The following RGS6 variants were observed in gnomAD, a reference collection of about 807,000 sequenced individuals.
RGS6 encodes the protein regulator of G-protein signaling 6.
RGS6 carries 30 observed loss-of-function variants against 78.5 expected under a neutral mutation model. That is an observed-to-expected ratio of 0.38 (90% confidence interval 0.29 to 0.52). The LOEUF is 0.52. RGS6 is among the 20% of genes least tolerant of loss of function. The probability of loss-of-function intolerance (pLI) is 0.85; values close to 1 mark genes in which losing one functional copy is unlikely to be tolerated. For missense variants in RGS6, 495 were observed against 609.7 expected, an observed-to-expected ratio of 0.81 and a Z score of 1.98; for synonymous variants, 206 against 206.0, an observed-to-expected ratio of 1.00 and a Z score of 0.00.
chr14:72,154,688 C>T (rs1486657016), intron 2 of RGS6, among the ~76,000 whole-genome samples: 1 of 152,250 alleles, frequency 6.6e-6, no homozygotes, highest in Non-Finnish European at 1.5e-5. Context: ...TCCAAATCGT[C>T]TCTTTCTAAA....
At chr14:72,339,089 A>G (rs1227167095) in intron 2 of RGS6, among the ~76,000 whole-genome samples, 1 of 152,230 alleles carries the variant, frequency 6.6e-6, no homozygotes, top group Non-Finnish European at 1.5e-5. Context: ...CATAAAGAAA[A>G]GAATAAAAAG....
intron 2 of RGS6, among the ~76,000 whole-genome samples, chr14:72,209,232 C>A (rs761868619): frequency 2.6e-5 from 4 of 152,042 alleles, no homozygotes; most frequent in Non-Finnish European, 4.4e-5. Flanking sequence ...CAGAGTGAGA[C>A]CCTATCTCAA....
At chr14:72,199,401 A>C (rs1048691155) in intron 2 of RGS6, among the ~76,000 whole-genome samples, 3 of 152,244 alleles carry the variant, frequency 2.0e-5, no homozygotes, top group East Asian at 3.8e-4. Context: ...TTTTGTGTAC[A>C]TTGATGCAAC....
chr14:71,984,750 T>C (rs1265852225), intron 2 of RGS6, among the ~76,000 whole-genome samples: 1 of 152,182 alleles, frequency 6.6e-6, no homozygotes, highest in African/African-American at 2.4e-5. Context: ...ATGGAGACCT[T>C]GAAGTAAGAA....
intron 3 of RGS6, among the ~76,000 whole-genome samples, chr14:72,436,184 A>G (rs1420422996): frequency 1.3e-5 from 2 of 152,132 alleles, no homozygotes; most frequent in Non-Finnish European, 2.9e-5. Flanking sequence ...AAACATTAAG[A>G]TATAAATTCC....
intron 17 of RGS6, among the ~76,000 whole-genome samples, chr14:72,544,623 G>T (rs1481815665): frequency 6.6e-6 from 1 of 152,218 alleles, no homozygotes; most frequent in African/African-American, 2.4e-5. Flanking sequence ...AGAAGGCTTG[G>T]CATGTGATGG....
chr14:72,051,265 C>T (rs368399562), intron 2 of RGS6, among the ~76,000 whole-genome samples: 1 of 152,044 alleles, frequency 6.6e-6, no homozygotes, highest in East Asian at 1.9e-4. Flanking sequence ...TAGACAAGCA[C>T]AAGCAAAAAG....
chr14:72,567,704 T>C (rs1175899621), downstream of RGS6, among the ~76,000 whole-genome samples: 1 of 152,148 alleles, frequency 6.6e-6, no homozygotes, highest in Non-Finnish European at 1.5e-5. Flanking sequence ...CTCTGATGAG[T>C]GTCTCTGATC....
intron 3 of RGS6, among the ~76,000 whole-genome samples, chr14:72,408,584 ACTC>A (rs1373677621): frequency 6.6e-6 from 1 of 151,766 alleles, no homozygotes; most frequent in African/African-American, 2.4e-5. Context: ...CAAAAGCAAA[ACTC>A]CTTTGCCATG....
chr14:72,518,313 G>A, intron 14 of RGS6, 38 bp from the exon 15 acceptor site: 1 of 1,588,696 alleles, frequency 6.3e-7, no homozygotes, highest in Non-Finnish European at 8.6e-7. Context: ...CCGATGCTGA[G>A]CCCCCTGGAA....
intron 2 of RGS6, among the ~76,000 whole-genome samples, chr14:71,977,617 T>G (rs1352463209): frequency 6.6e-6 from 1 of 150,470 alleles, no homozygotes; most frequent in African/African-American, 2.4e-5. Flanking sequence ...GTTCCGTTGA[T>G]CTATATCTCT....
At chr14:72,094,180 A>G (rs1393234927) in intron 2 of RGS6, among the ~76,000 whole-genome samples, 2 of 152,230 alleles carry the variant, frequency 1.3e-5, no homozygotes, top group Admixed American at 6.5e-5. Context: ...AATGGAAGCA[A>G]TGTAAAGCAA....
chr14:72,095,737 C>G (rs1420945344), intron 2 of RGS6, among the ~76,000 whole-genome samples: 1 of 152,132 alleles, frequency 6.6e-6, no homozygotes, highest in Admixed American at 6.5e-5. Context: ...TAGAGTTTTG[C>G]TGTGCAGCAG....
the RGS6 span, among the ~76,000 whole-genome samples, chr14:71,869,869 G>A: frequency 6.6e-6 from 1 of 152,176 alleles, no homozygotes; most frequent in Admixed American, 6.5e-5. Flanking sequence ...ATAAAAGGGT[G>A]AGTCTGATCA....
At chr14:72,207,140 C>T (rs2042910311) in intron 2 of RGS6, among the ~76,000 whole-genome samples, 1 of 152,132 alleles carries the variant, frequency 6.6e-6, no homozygotes, top group Non-Finnish European at 1.5e-5. Flanking sequence ...AATCTCTCTG[C>T]CCAAATGTAA....
intron 6 of RGS6, chr14:72,464,851 A>G (rs2095862115): frequency 6.6e-6 from 1 of 152,218 alleles, no homozygotes; most frequent in African/African-American, 2.4e-5. Context: ...ACTGCACCTG[A>G]CAAGACAGGC....
At chr14:72,367,998 C>T (rs537649151) in intron 3 of RGS6, among the ~76,000 whole-genome samples, 32 of 152,298 alleles carry the variant, frequency 2.1e-4, no homozygotes, top group African/African-American at 7.2e-4. Flanking sequence ...ACTGAATCTA[C>T]CTCTGAGTTA....
At chr14:72,017,539 C>G (rs574377517) in intron 2 of RGS6, among the ~76,000 whole-genome samples, 1 of 152,090 alleles carries the variant, frequency 6.6e-6, no homozygotes, top group Non-Finnish European at 1.5e-5. Context: ...ATTATAACAT[C>G]AGAGTTGAAT....
At chr14:72,473,564 A>G (rs1473014974) in intron 9 of RGS6, among the ~76,000 whole-genome samples, 1 of 152,212 alleles carries the variant, frequency 6.6e-6, no homozygotes, top group Non-Finnish European at 1.5e-5. Flanking sequence ...AACAATTTCC[A>G]TTTCCACTGC....
Sources: gnomAD v4.1 joint callset for allele counts (sites outside exome capture counted in the v4.1 genomes callset) on GRCh38, gnomAD v4.1.1 for gene constraint, MANE v1.5 for transcripts, NCBI Gene and HGNC (gene_info 2026-07-23, HGNC 2026-07-21) for gene names.